Variants in ITGB5 observed in about 807,000 individuals in gnomAD.
ITGB5 encodes integrin beta-5.
A neutral mutation model predicts 84.8 loss-of-function variants in ITGB5; 38 were observed. The ratio of observed to expected loss-of-function variants is 0.45; its 90% CI spans 0.35 to 0.59. ITGB5 has a LOEUF of 0.59. Among genes scored for constraint, ITGB5 ranks in the 20% least tolerant of loss-of-function variants. The pLI is 0.01. For missense variants in ITGB5, 905 were observed against 1,034.5 expected (o/e 0.87, Z 1.72); for synonymous variants, 393 against 414.4 (o/e 0.95, Z 0.63).
In ITGB5 at chr3:124,819,830, T is replaced by C. The variant is rs2064672199; in HGVS notation, c.947A>G (p.Tyr316Cys). The C allele has an allele frequency of 3.1e-6, 5 of 1,612,840 alleles. No individual in the cohort carries two copies. The highest frequency in any genetic ancestry group is 3.4e-6 in the Non-Finnish European group (4 of 1,178,784). The change falls in exon 7 of 15, where the codon TAT becomes TGT. Residue 316 changes from tyrosine to cysteine, a missense_variant. Physicochemically the swap from Tyr to Cys is radical, Grantham distance 194. This residue lies in a region of ITGB5 where 656 missense variants were observed against 734.7 expected (regional missense o/e 0.89). Coordinates refer to ENST00000296181, the MANE Select transcript of ITGB5 (RefSeq NM_002213.5). Reference sequence around the variant, plus strand: ...CTCTCCAAGCAAGGCAAGGGATGGATAGTCCTAGGGCCAAGGCAAAAGTCA... The same window carrying C: ...CTCTCCAAGCAAGGCAAGGGATGGACAGTCCTAGGGCCAAGGCAAAAGTCA... Reference protein sequence around the residue: ...NEYTASNQMDYPSLALLGEKL... With the variant: ...NEYTASNQMDCPSLALLGEKL...
chr3:124,796,169 G>T (rs1349127532), intron 10 of ITGB5, among the ~76,000 whole-genome samples: 1 of 152,176 alleles, frequency 6.6e-6, no homozygotes, highest in African/African-American at 2.4e-5. Flanking sequence ...CTCGAATTCT[G>T]AGAGTCCACA....
intron 1 of ITGB5, among the ~76,000 whole-genome samples, chr3:124,879,489 A>G (rs1341385830): frequency 6.6e-6 from 1 of 152,372 alleles, no homozygotes. Context: ...CTAAATAGCC[A>G]TATGTCTAAA....
intron 3 of ITGB5, among the ~76,000 whole-genome samples, chr3:124,855,735 G>A (rs145470426): frequency 5.8e-4 from 88 of 152,146 alleles, no homozygotes; most frequent in Middle Eastern, 3.4e-3. Context: ...GACACCTTCC[G>A]CAAGACAGAG....
At chr3:124,812,396 G>T (rs1324268035) in intron 8 of ITGB5, among the ~76,000 whole-genome samples, 1 of 152,214 alleles carries the variant, frequency 6.6e-6, no homozygotes, top group Non-Finnish European at 1.5e-5. Context: ...GCCAGCTGTG[G>T]AGTGGGTGGG....
intron 5 of ITGB5, among the ~76,000 whole-genome samples, chr3:124,828,760 C>A (rs848787): frequency 6.6e-6 from 1 of 152,004 alleles, no homozygotes; most frequent in South Asian, 2.1e-4. Context: ...TGGGATTACA[C>A]GCATGCGCCA....
intron 10 of ITGB5, among the ~76,000 whole-genome samples, chr3:124,784,236 G>A (rs1397462102): frequency 1.3e-5 from 2 of 152,186 alleles, no homozygotes; most frequent in African/African-American, 2.4e-5. Flanking sequence ...ATGCCAGCTG[G>A]GTGCAGTGGC....
chr3:124,898,663 A>AG (rs1553770280), intron 1 of ITGB5, among the ~76,000 whole-genome samples: 1 of 148,260 alleles, frequency 6.7e-6, no homozygotes, highest in Non-Finnish European at 1.5e-5. Context: ...AAAAAAAAAA[A>AG]AAAAAAAGAA....
intron 8 of ITGB5, among the ~76,000 whole-genome samples, chr3:124,813,823 G>A (rs1315166594): frequency 6.6e-6 from 1 of 152,140 alleles, no homozygotes; most frequent in East Asian, 1.9e-4. Flanking sequence ...GGCTACTGGT[G>A]ATCCACTCAA....
intron 1 of ITGB5, among the ~76,000 whole-genome samples, chr3:124,876,945 CTTT>C (rs1934351436): frequency 6.6e-6 from 1 of 151,786 alleles, no homozygotes; most frequent in South Asian, 2.1e-4. Flanking sequence ...GTTTTCTTTT[CTTT>C]TCTTTTTTTT....
intron 5 of ITGB5, among the ~76,000 whole-genome samples, chr3:124,840,546 C>CATG (rs2064996455): frequency 1.3e-5 from 2 of 152,040 alleles, no homozygotes. Context: ...CCTCTCGAAG[C>CATG]ATGAGTTCAT....
chr3:124,877,950 C>A (rs1004720876), intron 1 of ITGB5, among the ~76,000 whole-genome samples: 2 of 152,200 alleles, frequency 1.3e-5, no homozygotes, highest in African/African-American at 4.8e-5. Context: ...TCAAGTGATT[C>A]TCCTGCCTCA....
Position 124,819,892 on chromosome 3 carries a change from C to A in ITGB5, c.943-58G>T, listed in dbSNP as rs989824265. 27 of 1,265,000 alleles carry A rather than the reference C, an allele frequency of 2.1e-5. No individual in the cohort carries two copies. The African/African-American group carries it at 3.2e-4, about 15-fold the overall frequency. The allele number at this position is 1,265,000 out of a possible 1,614,324, so 78.4% of individuals were successfully genotyped here. A position where few individuals can be genotyped will look rare whatever the true frequency, so the allele number is the denominator to read the frequency against. ...TTCCTAACAGGTGTAGATACCAGCA[C>A]CTGGCTCCAATGCACAGTCAGCAGC... is the stretch of plus-strand genomic sequence containing the variant. On this transcript the variant is annotated intron_variant, in intron 6 of 14. Transcript: ENST00000296181.
At chr3:124,823,426 T>C (rs1263901098) in intron 5 of ITGB5, among the ~76,000 whole-genome samples, 1 of 151,862 alleles carries the variant, frequency 6.6e-6, no homozygotes, top group Non-Finnish European at 1.5e-5. Flanking sequence ...AGACACATTT[T>C]AGGAACCTGG....
intron 2 of ITGB5, among the ~76,000 whole-genome samples, chr3:124,860,300 T>C (rs753758458): frequency 6.6e-6 from 1 of 152,014 alleles, no homozygotes; most frequent in South Asian, 2.1e-4. Flanking sequence ...ATTATGGGAA[T>C]TAAGAAGAAA....
In ITGB5 at chr3:124,766,072, A is replaced by G. The variant is rs1255291883; in HGVS notation, c.2137+154T>C. 2.0e-5 allele frequency among the ~76,000 whole-genome samples: 3 copies of G among 151,856 alleles called. No homozygotes were observed. In the East Asian group the frequency reaches 5.8e-4, roughly 29 times the overall value. ...GACAGCCTGTGTCAAAAAAAAAAAA[A>G]AAAAGAAAAAGAAGAAATTGTATCC... On this transcript the variant is annotated intron_variant, in intron 13 of 14. Coordinates refer to ENST00000296181, the MANE Select transcript of ITGB5 (RefSeq NM_002213.5).
intron 10 of ITGB5, among the ~76,000 whole-genome samples, chr3:124,794,115 A>C (rs1409763424): frequency 6.6e-6 from 1 of 152,206 alleles, no homozygotes; most frequent in East Asian, 1.9e-4. Context: ...CCCAATTGGA[A>C]GACCATTCTT....
chr3:124,797,897 C>G (rs1035341586), intron 9 of ITGB5, among the ~76,000 whole-genome samples: 1 of 152,108 alleles, frequency 6.6e-6, no homozygotes, highest in Non-Finnish European at 1.5e-5. Context: ...CCTGAACAGA[C>G]AGAGGCCCGG....
At chr3:124,768,654 A>G (rs766421307) in intron 12 of ITGB5, among the ~76,000 whole-genome samples, 15 of 152,206 alleles carry the variant, frequency 9.9e-5, no homozygotes, top group Non-Finnish European at 2.1e-4. Context: ...GTTGATGGAC[A>G]TGTGGTTCAT....
At chr3:124,779,947 A>G (rs1431187987) in intron 10 of ITGB5, among the ~76,000 whole-genome samples, 1 of 152,206 alleles carries the variant, frequency 6.6e-6, no homozygotes, top group Non-Finnish European at 1.5e-5. Context: ...AAGCAAGAAC[A>G]GCCAGGACTG....
Sources: gnomAD v4.1 joint callset for allele counts (sites outside exome capture counted in the v4.1 genomes callset) on GRCh38, gnomAD v4.1.1 for gene constraint, gnomAD v4.1.1 regional missense constraint, MANE v1.5 for transcripts, NCBI Gene and HGNC (gene_info 2026-07-23, HGNC 2026-07-21) for gene names.